Variants in GSR observed in about 807,000 individuals in gnomAD.
The protein encoded by GSR is glutathione-disulfide reductase.
GSR carries 48 observed loss-of-function variants against 56.5 expected under a neutral mutation model. The observed-to-expected ratio is 0.85, with a 90% CI of 0.67 to 1.08. The LOEUF is 1.08. Among genes scored for constraint, GSR ranks in the 50% least tolerant of loss-of-function variants. The pLI is 0.00. For missense variants in GSR, 694 were observed against 703.3 expected (o/e 0.99, Z 0.15); for synonymous variants, 264 against 270.8 (o/e 0.97, Z 0.25).
chr8:30,684,527 T>C (rs967667201), intron 9 of GSR, among the ~76,000 whole-genome samples: 1 of 152,192 alleles, frequency 6.6e-6, no homozygotes, highest in African/African-American at 2.4e-5. Context: ...GTTTCATATC[T>C]TGCTTAACAT....
intron 1 of GSR, among the ~76,000 whole-genome samples, chr8:30,714,675 TTTTA>T (rs1170597355): frequency 6.6e-6 from 1 of 151,848 alleles, no homozygotes; most frequent in African/African-American, 2.4e-5. Flanking sequence ...ATGCTTTTTA[TTTTA>T]TTTTTTAAAT....
At chr8:30,686,345 T>C (rs1397582087) in intron 9 of GSR, among the ~76,000 whole-genome samples, 1 of 152,126 alleles carries the variant, frequency 6.6e-6, no homozygotes, top group Non-Finnish European at 1.5e-5. Flanking sequence ...TATATCTTAA[T>C]GTCAAATGAG....
At chr8:30,725,275 T>C (rs1804685686) in intron 1 of GSR, among the ~76,000 whole-genome samples, 1 of 151,714 alleles carries the variant, frequency 6.6e-6, no homozygotes, top group Middle Eastern at 3.4e-3. Flanking sequence ...AAACCCTGTT[T>C]CTAAAAAACA....
chr8:30,722,057 G>A (rs1017934828), intron 1 of GSR, among the ~76,000 whole-genome samples: 3 of 151,844 alleles, frequency 2.0e-5, no homozygotes, highest in African/African-American at 7.3e-5. Flanking sequence ...TTCAAAGTAT[G>A]TTTTACAAAG....
intron 9 of GSR, 74 bp downstream of exon 9, chr8:30,689,087 T>G: frequency 7.4e-7 from 1 of 1,345,416 alleles, no homozygotes; most frequent in Non-Finnish European, 1.1e-6. Context: ...AAGTTTTGGG[T>G]GTCTGGGGGG....
chr8:30,696,201 A>G (rs1803536041), intron 7 of GSR, among the ~76,000 whole-genome samples, 179 bp downstream of exon 7: 1 of 152,194 alleles, frequency 6.6e-6, no homozygotes, highest in African/African-American at 2.4e-5. Context: ...ATCATCATCA[A>G]CCAGCAACTG....
At chr8:30,711,067 AGAG>A (rs1013079222) in intron 2 of GSR, among the ~76,000 whole-genome samples, 11 of 152,166 alleles carry the variant, frequency 7.2e-5, no homozygotes, top group African/African-American at 2.4e-4. Flanking sequence ...AAAATGTCCC[AGAG>A]AAGAAAAGTC....
intron 8 of GSR, among the ~76,000 whole-genome samples, chr8:30,692,108 GAA>G (rs372829819): frequency 1.0e-4 from 10 of 96,196 alleles, no homozygotes; most frequent in African/African-American, 3.5e-4. Flanking sequence ...GTCTCAAAAA[GAA>G]AAAAAAAAAA....
intron 9 of GSR, among the ~76,000 whole-genome samples, chr8:30,687,302 A>G (rs189462498): frequency 6.6e-6 from 1 of 152,354 alleles, no homozygotes; most frequent in East Asian, 1.9e-4. Flanking sequence ...GGAACTTAGT[A>G]TTAGAACATA....
chr8:30,690,252 T>G (rs1803338251), intron 8 of GSR, among the ~76,000 whole-genome samples: 1 of 151,556 alleles, frequency 6.6e-6, no homozygotes, highest in African/African-American at 2.4e-5. Context: ...ATCAGCCTCC[T>G]GGACTCAAGC....
chr8:30,700,569 CA>C (rs1424616036), intron 5 of GSR, among the ~76,000 whole-genome samples: 3 of 151,632 alleles, frequency 2.0e-5, no homozygotes, highest in Admixed American at 6.6e-5. Flanking sequence ...ACTAAAAATA[CA>C]AAAATTAGCT....
At chr8:30,689,746 GTA>G (rs35206861) in intron 8 of GSR, among the ~76,000 whole-genome samples, 109,063 of 138,452 alleles carry the variant, frequency 0.79, 42,993 homozygotes, top group East Asian at 0.88. Context: ...GTGTGTGTGT[GTA>G]TATATATATA....
chr8:30,724,530 A>T (rs971383445), intron 1 of GSR, among the ~76,000 whole-genome samples: 1 of 125,926 alleles, frequency 7.9e-6, no homozygotes, highest in African/African-American at 3.0e-5. Flanking sequence ...AAAGAATACT[A>T]CCCAACCCCC....
chr8:30,709,239 C>G lies in GSR; in HGVS notation c.422+575G>C, dbSNP rs527658082. On this transcript the variant is annotated intron_variant, in intron 3 of 12. Coordinates refer to ENST00000221130, the MANE Select transcript of GSR (RefSeq NM_000637.5). Reference sequence around the variant, plus strand: ...AAATAGGCAGGCATGGTGGCACGTGCCTGTAGTCCCAGCTACTCAGGAGGC... The same window carrying G: ...AAATAGGCAGGCATGGTGGCACGTGGCTGTAGTCCCAGCTACTCAGGAGGC... Among the ~76,000 whole-genome samples the G allele has an allele frequency of 2.0e-5, 3 of 152,142 alleles. No individual in the cohort carries two copies. The South Asian group carries it at 6.2e-4, about 32-fold the overall frequency.
intron 9 of GSR, among the ~76,000 whole-genome samples, chr8:30,687,358 G>A (rs921925198): frequency 2.0e-5 from 3 of 151,780 alleles, no homozygotes; most frequent in Non-Finnish European, 2.9e-5. Flanking sequence ...AAATATATAC[G>A]CCTCAGGCTG....
chr8:30,719,184 G>A (rs1804445145), intron 1 of GSR, among the ~76,000 whole-genome samples: 1 of 141,986 alleles, frequency 7.0e-6, no homozygotes, highest in Non-Finnish European at 1.5e-5. Flanking sequence ...TCGGCTCACT[G>A]CAACCTCTGC....
chr8:30,684,315 G>C (rs1325391849), intron 9 of GSR, 116 bp from the exon 10 acceptor site: 11 of 762,766 alleles, frequency 1.4e-5, no homozygotes, highest in Non-Finnish European at 2.7e-5. Context: ...GAATCTCCAA[G>C]AAACCATGAG....
At chr8:30,681,281 G>T (rs1048055654) in intron 11 of GSR, among the ~76,000 whole-genome samples, 2 of 152,226 alleles carry the variant, frequency 1.3e-5, no homozygotes, top group Admixed American at 6.5e-5. Context: ...TGTAATCCCT[G>T]CACTTTGAGA....
intron 1 of GSR, among the ~76,000 whole-genome samples, chr8:30,717,929 C>T (rs1418685655): frequency 6.6e-6 from 1 of 151,568 alleles, no homozygotes; most frequent in African/African-American, 2.4e-5. Flanking sequence ...GTGAAACCTC[C>T]GTCTCTAATA....
Sources: allele counts gnomAD v4.1 joint callset (sites outside exome capture counted in the v4.1 genomes callset), GRCh38; gene constraint gnomAD v4.1.1; transcripts MANE v1.5; gene names NCBI Gene and HGNC (gene_info 2026-07-23, HGNC 2026-07-21).